The following ALPK3 variants were observed in gnomAD, a reference collection of about 807,000 sequenced individuals.
The protein encoded by ALPK3 is alpha kinase 3, also known as alpha-protein kinase 3.
In ALPK3, 102 loss-of-function variants were observed where a neutral mutation model predicts 140.0. The ratio of observed to expected loss-of-function variants is 0.73; its 90% CI spans 0.62 to 0.86. ALPK3 has a LOEUF of 0.86. Ranked by LOEUF, ALPK3 falls within the 40% of genes least tolerant of loss-of-function variation. ALPK3 has a pLI of 0.00. For synonymous variants in ALPK3, 938 were observed against 898.5 expected (o/e 1.04, Z -0.79); for missense variants, 2,254 against 2,208.2 (o/e 1.02, Z -0.42).
At chr15:84,821,130 C>T (rs1442054711) in intron 1 of ALPK3, among the ~76,000 whole-genome samples, 2 of 152,228 alleles carry the variant, frequency 1.3e-5, no homozygotes, top group South Asian at 2.1e-4. Context: ...AAATGGGGAG[C>T]TCCCCTGCCT....
intron 5 of ALPK3, chr15:84,852,583 G>A (rs1963817454): frequency 3.3e-6 from 1 of 304,972 alleles, no homozygotes; most frequent in Non-Finnish European, 6.5e-6. Flanking sequence ...AGCGTTAAGA[G>A]CTCTTGGTTT....
intron 5 of ALPK3, among the ~76,000 whole-genome samples, chr15:84,848,787 C>T (rs1963764453): frequency 6.6e-6 from 1 of 152,030 alleles, no homozygotes; most frequent in Admixed American, 6.6e-5. Flanking sequence ...ACCATGCAAA[C>T]ACTAATCAGA....
At chr15:84,838,600 C>T (rs1044659955) in intron 3 of ALPK3, among the ~76,000 whole-genome samples, 27 of 115,052 alleles carry the variant, frequency 2.3e-4, no homozygotes, top group South Asian at 6.5e-4. Context: ...TCTCTCCTCC[C>T]ATTATTATTA....
At chr15:84,860,421 A>G (rs557749604) in intron 9 of ALPK3, among the ~76,000 whole-genome samples, 2 of 152,246 alleles carry the variant, frequency 1.3e-5, no homozygotes, top group East Asian at 3.9e-4. Flanking sequence ...AGATTCACAC[A>G]GGGAACCTGC....
intron 1 of ALPK3, 52 bp from the exon 2 acceptor site, chr15:84,823,278 A>T: frequency 1.2e-6 from 2 of 1,604,158 alleles, no homozygotes; most frequent in Non-Finnish European, 1.7e-6. Flanking sequence ...GATTTCGCCT[A>T]CTTCCTTCTT....
chr15:84,838,588 G>A (rs1046295950), intron 3 of ALPK3, among the ~76,000 whole-genome samples: 3 of 148,576 alleles, frequency 2.0e-5, no homozygotes, highest in African/African-American at 7.5e-5. Flanking sequence ...ACGGCCTCGT[G>A]TTCTCTCCTC....
At chr15:84,822,358 AG>A (rs1327564775) in intron 1 of ALPK3, among the ~76,000 whole-genome samples, 1 of 152,124 alleles carries the variant, frequency 6.6e-6, no homozygotes, top group Admixed American at 6.5e-5. Context: ...TTTAGGGAAA[AG>A]GATGGGTTTG....
intron 5 of ALPK3, among the ~76,000 whole-genome samples, chr15:84,842,963 A>G (rs1197891834): frequency 6.6e-6 from 1 of 152,214 alleles, no homozygotes; most frequent in East Asian, 1.9e-4. Flanking sequence ...TCATTTAGGA[A>G]GGGACCAGGC....
chr15:84,859,757 T>C lies in ALPK3; in HGVS notation c.3966-19T>C. 1 of 1,604,944 alleles carries C rather than the reference T, an allele frequency of 6.2e-7. No individual in the cohort carries two copies. The highest frequency in any genetic ancestry group is 8.5e-7 in the Non-Finnish European group (1 of 1,177,518). On this transcript the variant is annotated intron_variant, in intron 7 of 13. Coordinates refer to ENST00000258888, the MANE Select transcript of ALPK3 (RefSeq NM_020778.5). ...GCCCCCATGCCATGGCCCTCACGAG[T>C]AGGGTCTCCACTCTGCAGCGCAGGG...
At chr15:84,827,800 C>A (rs1963506068) in intron 3 of ALPK3, among the ~76,000 whole-genome samples, 195 bp downstream of exon 3, 2 of 152,176 alleles carry the variant, frequency 1.3e-5, no homozygotes. Flanking sequence ...CATTCTGGAG[C>A]CACATATATA....
intron 3 of ALPK3, among the ~76,000 whole-genome samples, chr15:84,836,771 G>A (rs1350648385): frequency 2.6e-5 from 4 of 152,176 alleles, no homozygotes; most frequent in African/African-American, 4.8e-5. Context: ...GGGAGTCCAT[G>A]AGCATACATA....
In ALPK3 at chr15:84,864,460, G is replaced by C; in HGVS notation, c.4518G>C (p.Leu1506=). Residue 1506 remains leucine (L), a synonymous_variant, in exon 12 of 14, where the codon CTG becomes CTC. Coordinates refer to ENST00000258888, the MANE Select transcript of ALPK3 (RefSeq NM_020778.5). ...GEVPEIIPLY[L]IYRPANNIPY... The stretch of plus-strand genomic sequence containing the variant: ...TGTTTAGGATCATCCCACTGTATCT[G>C]ATCTACCGGCCTGCAAACAATATCC... 6.2e-7 allele frequency: 1 copy of C among 1,614,110 alleles called. No individual in the cohort carries two copies. The highest frequency in any genetic ancestry group is 1.1e-5 in the South Asian group (1 of 91,068).
chr15:84,857,858 C>A lies in ALPK3; in HGVS notation c.3120C>A (p.Leu1040=). The change falls in exon 6 of 14, where the codon CTC becomes CTA. Residue 1040 remains leucine, a synonymous_variant. Transcript: ENST00000258888. ...TGAGCCCCTGTACCTCCCGCCGCCT[C>A]ACCGGCCTCCTGGACCGTGAGGTGC... ...LLLSPCTSRR[L]TGLLDREVQA... 1 of 1,612,230 alleles carries A rather than the reference C, an allele frequency of 6.2e-7. No homozygotes were observed.
In ALPK3 at chr15:84,840,747, G is replaced by A. The variant is rs1457476632; in HGVS notation, c.1468G>A (p.Gly490Arg). Residue 490 changes from glycine to arginine, a missense_variant, in exon 5 of 14, where the codon GGA (glycine) becomes AGA (arginine). By Grantham distance (125) the Gly-to-Arg change is moderately radical. This residue lies in a region of ALPK3 where 2,088 missense variants were observed against 2,022.9 expected (regional missense o/e 1.03). Transcript: ENST00000258888. ...RKRFAPPKPK[G>R]EATTDSKPIS... is the part of the protein sequence containing the mutation. ...GAGATTTGCCCCTCCAAAGCCCAAAGGAGAGGCCACCACTGACAGCAAGCC... is the reference window on the plus strand; with the variant it reads ...GAGATTTGCCCCTCCAAAGCCCAAAAGAGAGGCCACCACTGACAGCAAGCC... 2 of 1,614,196 alleles carry A rather than the reference G, an allele frequency of 1.2e-6. No homozygotes were observed. The highest frequency in any genetic ancestry group is 1.1e-5 in the South Asian group (1 of 91,084).
chr15:84,856,297 T>C (rs1596154718), intron 5 of ALPK3, 95 bp from the exon 6 acceptor site: 12 of 1,499,164 alleles, frequency 8.0e-6, no homozygotes, highest in Non-Finnish European at 1.1e-5. Flanking sequence ...ATCAGAGCAG[T>C]TGTAGATGAG....
Position 84,871,234 on chromosome 15 carries a change from C to T in ALPK3, c.*2778C>T, listed in dbSNP as rs970733112. ...GATCTGGTGGAGGGACCCAAACCTT[C>T]AGTTCTGAAGCTCATTAGTGGTCCT... On this transcript the variant is annotated 3_prime_UTR_variant, in exon 14 of 14. Coordinates refer to ENST00000258888, the MANE Select transcript of ALPK3 (RefSeq NM_020778.5). 2 of 152,446 alleles carry T rather than the reference C, an allele frequency of 1.3e-5. No individual in the cohort carries two copies. The highest frequency in any genetic ancestry group is 4.8e-5 in the African/African-American group (2 of 41,448). The allele number at this position is 152,446 out of a possible 1,614,324, so 9.4% of individuals were successfully genotyped here.
At position 84,839,651 on chromosome 15, in the gene ALPK3, G is replaced by A. The variant is rs566442498; in HGVS notation, c.423-51G>A. On this transcript the variant is annotated intron_variant, in intron 4 of 13. Transcript: ENST00000258888. The stretch of plus-strand genomic sequence containing the variant: ...ACGGCTCTGGCTGGGGGGTGTGGGG[G>A]CTCTCACCTCCCAGGAGGGGAGAGG... The A allele has an allele frequency of 2.0e-6, 3 of 1,534,282 alleles. No homozygotes were observed. The Admixed American group carries it at 5.8e-5, about 30-fold the overall frequency.
intron 5 of ALPK3, among the ~76,000 whole-genome samples, chr15:84,850,598 G>C (rs774072709): frequency 1.3e-5 from 2 of 151,854 alleles, no homozygotes; most frequent in Non-Finnish European, 2.9e-5. Flanking sequence ...GTGTTGCCAG[G>C]CTGGTTTTGA....
chr15:84,860,182 G>C (rs1596157190), intron 9 of ALPK3, 110 bp downstream of exon 9: 3 of 1,341,560 alleles, frequency 2.2e-6, no homozygotes, highest in South Asian at 2.4e-5. Context: ...GCTCCTCTTT[G>C]CCTCTTAGTT....
Sources: gnomAD v4.1 joint callset for allele counts (sites outside exome capture counted in the v4.1 genomes callset) on GRCh38, gnomAD v4.1.1 for gene constraint, gnomAD v4.1.1 regional missense constraint, MANE v1.5 for transcripts, NCBI Gene and HGNC (gene_info 2026-07-23, HGNC 2026-07-21) for gene names.